Variants in ZC3H13 observed in about 807,000 individuals in gnomAD.
ZC3H13 encodes zinc finger CCCH domain-containing protein 13.
A neutral mutation model predicts 204.1 loss-of-function variants in ZC3H13; 64 were observed. That is an observed-to-expected ratio of 0.31 (90% CI 0.26 to 0.39). The LOEUF (loss-of-function observed/expected upper bound fraction) is 0.39. Ranked by LOEUF, ZC3H13 falls within the 10% of genes least tolerant of loss-of-function variation. The pLI is 1.00. For synonymous variants in ZC3H13, 667 were observed against 693.7 expected (o/e 0.96, Z 0.60); for missense variants, 1,833 against 2,082.7 (o/e 0.88, Z 2.33).
chr13:45,985,840 C>T, intron 9 of ZC3H13, 79 bp from the exon 10 acceptor site: 1 of 1,295,074 alleles, frequency 7.7e-7, no homozygotes, highest in Non-Finnish European at 1.0e-6. Flanking sequence ...TAATACAGAA[C>T]TTTAAAAATT....
chr13:45,964,057 A>G lies in ZC3H13; in HGVS notation c.4475-15T>C, dbSNP rs1338403504. 2 of 1,601,616 alleles carry G rather than the reference A, an allele frequency of 1.2e-6. No individual in the cohort carries two copies. The highest frequency in any genetic ancestry group is 2.7e-5 in the African/African-American group (2 of 74,080). ...ATCTAAGGGATCTGTAAAAAGTTAA[A>G]AAGTAAGATTTGTTTTACACCAAGA... On this transcript the variant is annotated splice_polypyrimidine_tract_variant and intron_variant, in intron 16 of 18. Coordinates refer to ENST00000679008, the MANE Select transcript of ZC3H13 (RefSeq NM_001330564.2).
chr13:45,982,788 T>C (rs1019451189), intron 10 of ZC3H13, among the ~76,000 whole-genome samples: 4 of 152,120 alleles, frequency 2.6e-5, no homozygotes, highest in African/African-American at 4.8e-5. Context: ...CTAGTGGCTA[T>C]AGAAAAAACA....
intron 9 of ZC3H13, 125 bp from the exon 10 acceptor site, chr13:45,985,886 T>A: frequency 1.2e-6 from 1 of 849,504 alleles, no homozygotes. Context: ...TTGCAAAAAA[T>A]AAAGAAGCTA....
At chr13:46,045,317 C>T in intron 2 of ZC3H13, 74 bp downstream of exon 2, 1 of 1,321,412 alleles carries the variant, frequency 7.6e-7, no homozygotes. Context: ...ACCTGTTCAC[C>T]TTTATGATAC....
Position 45,985,343 on chromosome 13 carries a change from G to A in ZC3H13, c.1674C>T (p.Asp558=), listed in dbSNP as rs1285879169. ...RNESRSEIRN[D]RMGRSRGRVP... ...CCCTCCCCCTACTTCGGCCCATTCG[G>A]TCATTTCTAATTTCACTTCGAGACT... The change falls in exon 10 of 19, where the codon GAC becomes GAT. Residue 558 remains aspartate, a synonymous_variant. Coordinates refer to ENST00000679008, the MANE Select transcript of ZC3H13 (RefSeq NM_001330564.2). The A allele has an allele frequency of 6.2e-7, 1 of 1,614,066 alleles. No individual in the cohort carries two copies.
intron 8 of ZC3H13, among the ~76,000 whole-genome samples, 168 bp from the exon 9 acceptor site, chr13:45,989,265 C>T (rs115469894): frequency 0.014 from 2,195 of 152,264 alleles, 50 homozygotes; most frequent in African/African-American, 0.049. Flanking sequence ...TTTTTAACGA[C>T]GTGACTTAAC....
Position 46,020,532 on chromosome 13 carries a change from C to G in ZC3H13, c.365G>C (p.Arg122Thr). Residue 122 changes from arginine to threonine, a missense_variant, in exon 5 of 19, where the codon AGG (arginine) becomes ACG (threonine). By Grantham distance (71) the Arg-to-Thr change is moderately conservative. Transcript: ENST00000679008. ...VRKESSRGRHREKEDIKITKE... is the reference protein window; with the variant it reads ...VRKESSRGRHTEKEDIKITKE... ...AGTGATTTTTATGTCTTCCTTTTCCCTATGTCTCCCTCTTGAAGATTCTTT... is the reference window on the plus strand; with the variant it reads ...AGTGATTTTTATGTCTTCCTTTTCCGTATGTCTCCCTCTTGAAGATTCTTT... 4 of 1,609,858 alleles carry G rather than the reference C, an allele frequency of 2.5e-6. No homozygotes were observed. The highest frequency in any genetic ancestry group is 2.5e-6 in the Non-Finnish European group (3 of 1,178,358).
chr13:46,014,893 C>T (rs892218056), intron 5 of ZC3H13, among the ~76,000 whole-genome samples: 3 of 152,128 alleles, frequency 2.0e-5, no homozygotes, highest in Non-Finnish European at 2.9e-5. Context: ...TTCATTTTAA[C>T]GTCTGCAAAG....
At chr13:46,008,009 A>G (rs1192796147) in intron 7 of ZC3H13, among the ~76,000 whole-genome samples, 1 of 152,204 alleles carries the variant, frequency 6.6e-6, no homozygotes, top group Non-Finnish European at 1.5e-5. Flanking sequence ...CTATCAGACT[A>G]TATCTCAAAA....
chr13:46,016,784 G>C lies in ZC3H13; in HGVS notation c.448+3665C>G, dbSNP rs1368556147. ...AGATTATTCTTGCTTTAAAGTGGGG[G>C]ATTAATTAGGAGACAAGACTATAAG... On this transcript the variant is annotated intron_variant, in intron 5 of 18. Coordinates refer to ENST00000679008, the MANE Select transcript of ZC3H13 (RefSeq NM_001330564.2). Among the ~76,000 whole-genome samples the C allele has an allele frequency of 2.0e-5, 3 of 152,108 alleles. No homozygotes were observed. In the East Asian group the frequency reaches 5.8e-4, roughly 29 times the overall value.
chr13:45,979,006 A>G (rs1440772356), intron 11 of ZC3H13, among the ~76,000 whole-genome samples: 2 of 152,040 alleles, frequency 1.3e-5, no homozygotes, highest in Non-Finnish European at 2.9e-5. Context: ...ATATAATATT[A>G]CCTCTTTGAT....
chr13:46,015,293 C>T (rs2041843947), intron 5 of ZC3H13, among the ~76,000 whole-genome samples: 1 of 152,124 alleles, frequency 6.6e-6, no homozygotes, highest in Non-Finnish European at 1.5e-5. Context: ...CTGTGAGTTA[C>T]CTATCTGATA....
Position 45,955,740 on chromosome 13 carries a change from T to C in ZC3H13, c.*1387A>G, listed in dbSNP as rs1386239882. ...CACAAGGAAATTCTGATTAAAGTCT[T>C]CTCCTGCTCTGTTTGCAATTATACA... is the stretch of plus-strand genomic sequence containing the variant. On this transcript the variant is annotated 3_prime_UTR_variant, in exon 19 of 19. Coordinates refer to ENST00000679008, the MANE Select transcript of ZC3H13 (RefSeq NM_001330564.2). 6.6e-6 allele frequency: 1 copy of C among 152,152 alleles called. No homozygotes were observed. Among genetic ancestry groups the C allele is most frequent in the Non-Finnish European group, 1.5e-5 (1 of 67,988 alleles). The allele number at this position is 152,152 out of a possible 1,614,324, so 9.4% of individuals were successfully genotyped here.
chr13:46,017,563 TTAAA>T (rs1031807172), intron 5 of ZC3H13, among the ~76,000 whole-genome samples: 1 of 152,192 alleles, frequency 6.6e-6, no homozygotes, highest in Non-Finnish European at 1.5e-5. Context: ...TATGTCATTG[TTAAA>T]TGAATGAATA....
rs1309877471 is a variant in ZC3H13, at chr13:45,955,738, C to T, written c.*1389G>A. The T allele has an allele frequency of 1.3e-5, 2 of 152,052 alleles. No homozygotes were observed. Among genetic ancestry groups the T allele is most frequent in the Non-Finnish European group, 1.5e-5 (1 of 67,958 alleles). 9.4% of individuals were successfully genotyped at this position (152,052 alleles called of 1,614,324 possible). ...GACACAAGGAAATTCTGATTAAAGT[C>T]TTCTCCTGCTCTGTTTGCAATTATA... On this transcript the variant is annotated 3_prime_UTR_variant, in exon 19 of 19. Transcript: ENST00000679008.
In ZC3H13 at chr13:45,957,064, T is replaced by C. The variant is rs530528432; in HGVS notation, c.*63A>G. 4.7e-6 allele frequency: 6 copies of C among 1,279,250 alleles called. No homozygotes were observed. The highest frequency in any genetic ancestry group is 3.0e-5 in the East Asian group (1 of 33,640). 79.2% of individuals were successfully genotyped at this position (1,279,250 alleles called of 1,614,324 possible). ...CTAATGCTTGTCAAACCAAAGAACTTTGCAAAAGAATATGCACTGCTGAAG... is the reference window on the plus strand; with the variant it reads ...CTAATGCTTGTCAAACCAAAGAACTCTGCAAAAGAATATGCACTGCTGAAG... On this transcript the variant is annotated 3_prime_UTR_variant, in exon 19 of 19. Transcript: ENST00000679008.
intron 11 of ZC3H13, among the ~76,000 whole-genome samples, chr13:45,977,472 A>G (rs1953152478): frequency 6.6e-6 from 1 of 152,180 alleles, no homozygotes; most frequent in African/African-American, 2.4e-5. Flanking sequence ...ATATAAGAAC[A>G]TCACTTTAAA....
chr13:45,977,287 A>C (rs1448195684), intron 11 of ZC3H13, among the ~76,000 whole-genome samples: 1 of 152,212 alleles, frequency 6.6e-6, no homozygotes. Flanking sequence ...CCAACATCAT[A>C]ATCATTACAA....
intron 13 of ZC3H13, among the ~76,000 whole-genome samples, 177 bp downstream of exon 13, chr13:45,970,185 G>A (rs1420556856): frequency 6.6e-6 from 1 of 152,102 alleles, no homozygotes; most frequent in East Asian, 1.9e-4. Flanking sequence ...ACTATAAATA[G>A]TAGAAAATGA....
Sources: allele counts gnomAD v4.1 joint callset (sites outside exome capture counted in the v4.1 genomes callset), GRCh38; gene constraint gnomAD v4.1.1; transcripts MANE v1.5; gene names NCBI Gene and HGNC (gene_info 2026-07-23, HGNC 2026-07-21).